ASTN1: variants seen among roughly 807,000 people sequenced by gnomAD.
The protein encoded by ASTN1 is astrotactin-1.
In ASTN1, 41 loss-of-function variants were observed where a neutral mutation model predicts 140.7. The observed-to-expected ratio is 0.29, with a 90% confidence interval of 0.23 to 0.38. The LOEUF (loss-of-function observed/expected upper bound fraction) is 0.38. Ranked by LOEUF, ASTN1 falls within the 10% of genes least tolerant of loss-of-function variation. ASTN1 has a pLI of 1.00. For missense variants in ASTN1, 1,479 were observed against 1,678.8 expected (o/e 0.88, Z 2.08); for synonymous variants, 640 against 652.2 (o/e 0.98, Z 0.29).
intron 8 of ASTN1, among the ~76,000 whole-genome samples, chr1:177,003,501 A>G (rs1287369258): frequency 2.0e-5 from 3 of 152,046 alleles, no homozygotes; most frequent in Non-Finnish European, 4.4e-5. Context: ...TCAAAATAAT[A>G]AAAGCCATAT....
At chr1:176,920,553 C>G (rs1295501679) in intron 16 of ASTN1, among the ~76,000 whole-genome samples, 1 of 152,208 alleles carries the variant, frequency 6.6e-6, no homozygotes, top group Admixed American at 6.5e-5. Context: ...GGTATAGGCA[C>G]TTTGGTACTT....
intron 1 of ASTN1, among the ~76,000 whole-genome samples, chr1:177,096,399 A>G (rs989206802): frequency 3.9e-5 from 6 of 152,156 alleles, no homozygotes; most frequent in Non-Finnish European, 8.8e-5. Flanking sequence ...CCCAAACATC[A>G]TATGTTGAAA....
intron 1 of ASTN1, among the ~76,000 whole-genome samples, chr1:177,106,750 G>A (rs998573327): frequency 4.6e-5 from 7 of 152,148 alleles, no homozygotes; most frequent in Admixed American, 2.0e-4. Flanking sequence ...TTTGGCTCAG[G>A]TAAACCTCAA....
At chr1:176,985,845 TACACACACACAC>T (rs60769752) in intron 8 of ASTN1, among the ~76,000 whole-genome samples, 39 of 129,742 alleles carry the variant, frequency 3.0e-4, no homozygotes, top group South Asian at 1.9e-3. Flanking sequence ...TCTCTCTCTC[TACACACACACAC>T]ACACACACAC....
At chr1:177,138,115 G>A (rs551944277) in intron 1 of ASTN1, among the ~76,000 whole-genome samples, 4 of 152,108 alleles carry the variant, frequency 2.6e-5, no homozygotes, top group Admixed American at 6.5e-5. Context: ...ACTCTCCCTA[G>A]GGGAAAAGGG....
downstream of ASTN1, among the ~76,000 whole-genome samples, chr1:176,858,056 G>C (rs1346404756): frequency 6.6e-6 from 1 of 152,096 alleles, no homozygotes; most frequent in Non-Finnish European, 1.5e-5. Context: ...GAGAAAGATA[G>C]TAAGGAATCC....
At chr1:177,107,811 T>C (rs749131133) in intron 1 of ASTN1, among the ~76,000 whole-genome samples, 3 of 152,162 alleles carry the variant, frequency 2.0e-5, no homozygotes, top group Non-Finnish European at 4.4e-5. Flanking sequence ...ATATATTCAA[T>C]TGGAGTATAT....
chr1:177,048,754 C>G (rs1677379177), intron 2 of ASTN1, among the ~76,000 whole-genome samples: 1 of 152,172 alleles, frequency 6.6e-6, no homozygotes, highest in African/African-American at 2.4e-5. Context: ...GTACTTCATG[C>G]TAGCAGAGGC....
chr1:177,043,492 CAG>C (rs1196526329), intron 2 of ASTN1, among the ~76,000 whole-genome samples: 1 of 152,210 alleles, frequency 6.6e-6, no homozygotes, highest in Non-Finnish European at 1.5e-5. Flanking sequence ...TAGTCGAAAA[CAG>C]AGGTTAACAA....
At chr1:177,126,809 T>C (rs1176611650) in intron 1 of ASTN1, among the ~76,000 whole-genome samples, 3 of 152,052 alleles carry the variant, frequency 2.0e-5, no homozygotes, top group Admixed American at 2.0e-4. Context: ...GCAACATAAT[T>C]TAGTGCATGC....
intron 21 of ASTN1, among the ~76,000 whole-genome samples, chr1:176,869,409 A>G (rs1383596216): frequency 6.6e-6 from 1 of 152,210 alleles, no homozygotes; most frequent in Non-Finnish European, 1.5e-5. Flanking sequence ...TGTTTCAGTT[A>G]CAATATTCTT....
rs1045951416 is a variant in ASTN1 at position 176,871,299 on chromosome 1, A to G, written c.3464-2272T>C. ...GCAAGGAGCGCTTGCTGAGAGAAGA[A>G]TGACCGGGGGAGGAAAAATGCTGGT... On this transcript the variant is annotated intron_variant, in intron 21 of 22. Transcript: ENST00000361833. 3.9e-5 allele frequency among the ~76,000 whole-genome samples: 6 copies of G among 152,182 alleles called. No homozygotes were observed. In the South Asian group the frequency reaches 1.2e-3, roughly 32 times the overall value.
chr1:177,141,620 T>G (rs1682474597), intron 1 of ASTN1, among the ~76,000 whole-genome samples: 1 of 152,186 alleles, frequency 6.6e-6, no homozygotes, highest in Non-Finnish European at 1.5e-5. Context: ...ACCTGATATT[T>G]GGAGACATAA....
At chr1:177,027,059 T>C (rs1676154022) in intron 5 of ASTN1, among the ~76,000 whole-genome samples, 1 of 152,202 alleles carries the variant, frequency 6.6e-6, no homozygotes, top group African/African-American at 2.4e-5. Context: ...CTAGTAAACA[T>C]TTTACTGCTC....
At chr1:176,949,126 A>T in intron 12 of ASTN1, 59 bp downstream of exon 12, 1 of 1,598,036 alleles carries the variant, frequency 6.3e-7, no homozygotes, top group Non-Finnish European at 8.5e-7. Context: ...TTTAGCATTG[A>T]AAGTCCTGCG....
chr1:177,108,803 A>T (rs1680676057), intron 1 of ASTN1, among the ~76,000 whole-genome samples: 1 of 152,210 alleles, frequency 6.6e-6, no homozygotes, highest in East Asian at 1.9e-4. Flanking sequence ...TTCAGGACAC[A>T]AATATACACA....
chr1:177,003,015 A>G (rs1674811268), intron 8 of ASTN1, among the ~76,000 whole-genome samples: 1 of 152,148 alleles, frequency 6.6e-6, no homozygotes, highest in Admixed American at 6.5e-5. Flanking sequence ...AAAAAAGCCC[A>G]GGGGCAGATG....
intron 2 of ASTN1, among the ~76,000 whole-genome samples, chr1:177,055,417 A>C (rs1458131552): frequency 6.6e-6 from 1 of 152,246 alleles, no homozygotes; most frequent in Non-Finnish European, 1.5e-5. Context: ...CCCCAAATGG[A>C]CCCTGGCATC....
chr1:177,006,167 C>T (rs371401067), intron 8 of ASTN1, among the ~76,000 whole-genome samples: 1 of 152,052 alleles, frequency 6.6e-6, no homozygotes, highest in African/African-American at 2.4e-5. Context: ...GAATAACACC[C>T]TCAAGGAAAA....
Sources: gnomAD v4.1 joint callset for allele counts (sites outside exome capture counted in the v4.1 genomes callset) on GRCh38, gnomAD v4.1.1 for gene constraint, MANE v1.5 for transcripts, NCBI Gene and HGNC (gene_info 2026-07-23, HGNC 2026-07-21) for gene names.